DDX4: variants seen among roughly 807,000 people sequenced by gnomAD.
DDX4 encodes the protein DEAD-box helicase 4, also known as probable ATP-dependent RNA helicase DDX4.
In DDX4, 25 loss-of-function variants were observed where a neutral mutation model predicts 100.0. The ratio of observed to expected loss-of-function variants is 0.25; its 90% confidence interval spans 0.18 to 0.35. DDX4 has a LOEUF of 0.35. Ranked by LOEUF, DDX4 falls within the 10% of genes least tolerant of loss-of-function variation. The pLI is 1.00. For synonymous variants in DDX4, 259 were observed against 275.7 expected, an observed-to-expected ratio of 0.94 and a Z score of 0.60; for missense variants, 635 against 882.4, an observed-to-expected ratio of 0.72 and a Z score of 3.55.
intron 19 of DDX4, among the ~76,000 whole-genome samples, chr5:55,814,641 C>A (rs1744289554): frequency 6.6e-6 from 1 of 152,094 alleles, no homozygotes; most frequent in Admixed American, 6.6e-5. Context: ...CAGGTGCATG[C>A]CACCATGCCC....
rs1184043245 is a variant in DDX4, at chr5:55,767,816, AT to A, written c.335-63del. On this transcript the variant is annotated intron_variant, in intron 6 of 21. Transcript: ENST00000505374. Reference sequence around the variant, plus strand: ...TACTAATTTATCTTGTGACAGTGCTATTCTTTATATATTGCATCATTTAAGT... The same window carrying A: ...TACTAATTTATCTTGTGACAGTGCTATCTTTATATATTGCATCATTTAAGT... 2.7e-5 allele frequency: 32 copies of A among 1,195,128 alleles called. No homozygotes were observed. In the African/African-American group the frequency reaches 3.8e-4, roughly 14 times the overall value. 74.0% of individuals were successfully genotyped at this position (1,195,128 alleles called of 1,614,324 possible).
At position 55,767,752 on chromosome 5, in the gene DDX4, T is replaced by C. The variant is rs1438469940; in HGVS notation, c.335-129T>C. On this transcript the variant is annotated intron_variant, in intron 6 of 21. Transcript: ENST00000505374. ...TATCTGTTAAAATTATTTGAAGAAA[T>C]ATGTTTATATTTTAACTTATGAAAA... 9.5e-6 allele frequency: 6 copies of C among 631,634 alleles called. No homozygotes were observed. The Admixed American group carries it at 1.8e-4, about 19-fold the overall frequency. 39.1% of individuals were successfully genotyped at this position (631,634 alleles called of 1,614,324 possible).
At chr5:55,762,574 G>A (rs1561488009) in intron 4 of DDX4, among the ~76,000 whole-genome samples, 2 of 152,120 alleles carry the variant, frequency 1.3e-5, no homozygotes, top group African/African-American at 4.8e-5. Flanking sequence ...ACAGTGTGGA[G>A]TATTGGAGTT....
chr5:55,743,065 G>A (rs775636435), intron 2 of DDX4, among the ~76,000 whole-genome samples: 3 of 152,190 alleles, frequency 2.0e-5, no homozygotes, highest in Non-Finnish European at 4.4e-5. Context: ...TTAGTTTTCT[G>A]TGGCTGCTAT....
chr5:55,814,520 A>ACG (rs77218695), intron 19 of DDX4, among the ~76,000 whole-genome samples: 61,500 of 151,286 alleles, frequency 0.41, 13,945 homozygotes, highest in African/African-American at 0.59. Flanking sequence ...TTTTTTTGAG[A>ACG]AAGTCTTGCC....
intron 3 of DDX4, among the ~76,000 whole-genome samples, chr5:55,755,759 C>T (rs1396271958): frequency 6.6e-6 from 1 of 151,646 alleles, no homozygotes; most frequent in African/African-American, 2.4e-5. Context: ...CACATAGATT[C>T]AATATGTATT....
At chr5:55,749,825 T>C (rs199896431) in intron 3 of DDX4, among the ~76,000 whole-genome samples, 47 of 144,624 alleles carry the variant, frequency 3.2e-4, no homozygotes, top group African/African-American at 9.3e-4. Context: ...TTTTTTTTTT[T>C]CCCAGAAAAC....
intron 6 of DDX4, among the ~76,000 whole-genome samples, chr5:55,765,432 A>ATATT (rs1343549503): frequency 7.0e-6 from 1 of 141,934 alleles, no homozygotes; most frequent in Non-Finnish European, 1.5e-5. Flanking sequence ...ATATATATAT[A>ATATT]TATATGGATT....
chr5:55,791,943 C>T (rs975734994), intron 16 of DDX4, among the ~76,000 whole-genome samples: 4 of 151,860 alleles, frequency 2.6e-5, no homozygotes, highest in Non-Finnish European at 5.9e-5. Flanking sequence ...AACCCCGTCT[C>T]TACTAAAAAC....
intron 4 of DDX4, among the ~76,000 whole-genome samples, chr5:55,762,422 A>G (rs751409601): frequency 6.6e-6 from 1 of 152,200 alleles, no homozygotes; most frequent in Non-Finnish European, 1.5e-5. Flanking sequence ...AAGAAGGATA[A>G]ATTATGACTG....
At position 55,816,449 on chromosome 5, in the gene DDX4, T is replaced by TTA. The variant is rs1554082016; in HGVS notation, c.2098-14_2098-13insTA. 1.5e-5 allele frequency: 23 copies of TTA among 1,564,286 alleles called. No individual in the cohort carries two copies. In the East Asian group the frequency reaches 3.9e-4, roughly 26 times the overall value. On this transcript the variant is annotated splice_polypyrimidine_tract_variant and intron_variant, in intron 21 of 21. Transcript: ENST00000505374. ...TTGTTTGTTTCTTTTTTTTTTTTTT[T>TTA]AAATAATTACCAGGGCAAGAGCACT...
chr5:55,769,957 C>G (rs1295459204), intron 7 of DDX4, among the ~76,000 whole-genome samples: 2 of 151,948 alleles, frequency 1.3e-5, no homozygotes, highest in Non-Finnish European at 1.5e-5. Flanking sequence ...ACCTCCACCT[C>G]CCAGGTTCAA....
At chr5:55,799,882 G>A (rs181235957) in intron 18 of DDX4, among the ~76,000 whole-genome samples, 15 of 152,206 alleles carry the variant, frequency 9.9e-5, no homozygotes, top group African/African-American at 3.1e-4. Context: ...AGAGAAATGC[G>A]AAGGTGGTTC....
intron 3 of DDX4, among the ~76,000 whole-genome samples, chr5:55,753,408 G>A (rs1580521030): frequency 6.6e-6 from 1 of 152,212 alleles, no homozygotes; most frequent in Non-Finnish European, 1.5e-5. Context: ...AGTGTTCCCA[G>A]CACCATTTAT....
intron 7 of DDX4, among the ~76,000 whole-genome samples, chr5:55,773,842 T>C (rs529017868): frequency 2.0e-5 from 3 of 152,258 alleles, no homozygotes; most frequent in East Asian, 3.9e-4. Context: ...CAGGCTGATA[T>C]TGAACTCCTG....
At chr5:55,809,200 C>T (rs1743956266) in intron 18 of DDX4, among the ~76,000 whole-genome samples, 1 of 152,186 alleles carries the variant, frequency 6.6e-6, no homozygotes, top group African/African-American at 2.4e-5. Flanking sequence ...CCCGATTTTC[C>T]AGGTGCCGTC....
intron 7 of DDX4, among the ~76,000 whole-genome samples, chr5:55,778,166 A>G (rs915254487): frequency 1.1e-4 from 17 of 152,190 alleles, no homozygotes; most frequent in Non-Finnish European, 2.2e-4. Flanking sequence ...CAATAAGTCT[A>G]ACCTTCATGA....
chr5:55,792,914 T>A, intron 17 of DDX4, 107 bp downstream of exon 17: 1 of 648,346 alleles, frequency 1.5e-6, no homozygotes, highest in Non-Finnish European at 2.1e-6. Flanking sequence ...GTTAAGATTT[T>A]AATATAGGTA....
intron 18 of DDX4, among the ~76,000 whole-genome samples, chr5:55,804,637 ATGC>A (rs1158777606): frequency 6.6e-6 from 1 of 151,904 alleles, no homozygotes; most frequent in Non-Finnish European, 1.5e-5. Flanking sequence ...AGTTGTAGAT[ATGC>A]TGCGTTATTT....
Sources: allele counts gnomAD v4.1 joint callset (sites outside exome capture counted in the v4.1 genomes callset), GRCh38; gene constraint gnomAD v4.1.1; transcripts MANE v1.5; gene names NCBI Gene and HGNC (gene_info 2026-07-23, HGNC 2026-07-21).